Variants in MARCHF8 observed in about 807,000 individuals in gnomAD.
The protein encoded by MARCHF8 is E3 ubiquitin-protein ligase MARCHF8.
Under a neutral mutation model 51.6 loss-of-function variants are expected in MARCHF8, and 40 were observed. The observed-to-expected ratio is 0.77, with a 90% CI of 0.60 to 1.01. The LOEUF (loss-of-function observed/expected upper bound fraction) is 1.01. Ranked by LOEUF, MARCHF8 falls within the 50% of genes least tolerant of loss-of-function variation. The probability of loss-of-function intolerance (pLI) is 0.00; values close to 1 mark genes in which losing one functional copy is unlikely to be tolerated. For synonymous variants in MARCHF8, 263 were observed against 280.3 expected (o/e 0.94, Z 0.62); for missense variants, 685 against 708.6 (o/e 0.97, Z 0.38).
chr10:45,549,531 G>A (rs2044170468), intron 1 of MARCHF8, among the ~76,000 whole-genome samples: 1 of 152,164 alleles, frequency 6.6e-6, no homozygotes, highest in Non-Finnish European at 1.5e-5. Context: ...TGCTTGCACT[G>A]TGTCTGCTGA....
At chr10:45,460,524 A>AC (rs1842753480) in intron 6 of MARCHF8, among the ~76,000 whole-genome samples, 1 of 152,228 alleles carries the variant, frequency 6.6e-6, no homozygotes, top group Non-Finnish European at 1.5e-5. Context: ...CTTGCAATTT[A>AC]TATATTAATG....
intron 2 of MARCHF8, among the ~76,000 whole-genome samples, chr10:45,504,254 T>C (rs1304972015): frequency 1.3e-5 from 2 of 152,224 alleles, no homozygotes; most frequent in African/African-American, 4.8e-5. Flanking sequence ...AAGACCAGCC[T>C]GACCAACATG....
At chr10:45,536,241 A>C (rs2043968389), upstream of MARCHF8, among the ~76,000 whole-genome samples, 1 of 152,176 alleles carries the variant, frequency 6.6e-6, no homozygotes, top group South Asian at 2.1e-4. Flanking sequence ...GCCCAGAAAT[A>C]AACCCACGTA....
At chr10:45,501,041 A>G (rs1372769265) in intron 2 of MARCHF8, among the ~76,000 whole-genome samples, 4 of 152,176 alleles carry the variant, frequency 2.6e-5, no homozygotes, top group African/African-American at 7.2e-5. Flanking sequence ...ATATAAAAAT[A>G]CATACTGTTC....
At chr10:45,524,358 G>T (rs1161060269) in intron 2 of MARCHF8, among the ~76,000 whole-genome samples, 2 of 152,170 alleles carry the variant, frequency 1.3e-5, no homozygotes, top group East Asian at 3.8e-4. Context: ...AGATCGCTGT[G>T]ATTACCAAAT....
At position 45,463,149 on chromosome 10, in the gene MARCHF8, A is replaced by C. The variant is rs1186970038; in HGVS notation, c.1088+2T>G. The C allele has an allele frequency of 6.5e-7, 1 of 1,547,434 alleles. No individual in the cohort carries two copies. The highest frequency in any genetic ancestry group is 2.0e-5 in the Admixed American group (1 of 50,854). ...TAGAATGGCACTTCCTGGCAAACCA[A>C]CCTGCAGACATCCCCTGACGTGGAC... On this transcript the variant is annotated splice_donor_variant, in intron 5 of 7. Coordinates refer to ENST00000453424, the MANE Select transcript of MARCHF8 (RefSeq NM_001282866.2). LOFTEE classifies it high-confidence loss of function.
chr10:45,491,342 C>T (rs1020569501), intron 2 of MARCHF8, among the ~76,000 whole-genome samples: 26 of 152,156 alleles, frequency 1.7e-4, no homozygotes, highest in African/African-American at 6.0e-4. Context: ...GTTTGAGACC[C>T]GCCTGACCAA....
At chr10:45,570,595 T>TTA (rs939866491) in intron 1 of MARCHF8, among the ~76,000 whole-genome samples, 3 of 152,160 alleles carry the variant, frequency 2.0e-5, no homozygotes, top group Non-Finnish European at 4.4e-5. Context: ...CAACATTATA[T>TTA]TATATAGAAG....
intron 3 of MARCHF8, among the ~76,000 whole-genome samples, chr10:45,474,590 T>A (rs2042753235): frequency 6.6e-6 from 1 of 152,304 alleles, no homozygotes; most frequent in African/African-American, 2.4e-5. Flanking sequence ...ATTAAAAAGT[T>A]AACCAATCAA....
intron 1 of MARCHF8, among the ~76,000 whole-genome samples, chr10:45,566,179 A>C (rs1470745035): frequency 6.6e-6 from 1 of 152,214 alleles, no homozygotes; most frequent in African/African-American, 2.4e-5. Flanking sequence ...TATATTTATG[A>C]GGTACATTAG....
chr10:45,541,409 G>A lies in MARCHF8; in HGVS notation c.-78-8120C>T, dbSNP rs942088913. ...CACAGGAAGCGGAACATCACACACC[G>A]GGGCCTGTTGCGGGGTGGGGGGCTA... On this transcript the variant is annotated intron_variant, in intron 1 of 6. Transcript: ENST00000319836. 4.6e-5 allele frequency among the ~76,000 whole-genome samples: 7 copies of A among 152,098 alleles called. No individual in the cohort carries two copies. In the East Asian group the frequency reaches 5.8e-4, roughly 13 times the overall value.
At chr10:45,538,511 C>T (rs1002246383), upstream of MARCHF8, among the ~76,000 whole-genome samples, 25 of 152,266 alleles carry the variant, frequency 1.6e-4, no homozygotes, top group Non-Finnish European at 2.9e-4. Context: ...AATTAAAAGA[C>T]ACAGACTGGC....
chr10:45,556,179 G>C (rs2044249904), intron 1 of MARCHF8, among the ~76,000 whole-genome samples: 1 of 152,056 alleles, frequency 6.6e-6, no homozygotes, highest in African/African-American at 2.4e-5. Context: ...CAGAAAATAA[G>C]GAAAACCTAT....
intron 3 of MARCHF8, among the ~76,000 whole-genome samples, chr10:45,465,103 CAG>C (rs1277705422): frequency 6.6e-6 from 1 of 152,042 alleles, no homozygotes; most frequent in Non-Finnish European, 1.5e-5. Flanking sequence ...GAGAAATGGA[CAG>C]AGAGAAATAG....
intron 2 of MARCHF8, among the ~76,000 whole-genome samples, chr10:45,529,597 T>G (rs2043844848): frequency 1.3e-5 from 2 of 152,152 alleles, no homozygotes; most frequent in South Asian, 4.1e-4. Flanking sequence ...ATTTGTAGAC[T>G]CTACAAAGAA....
intron 2 of MARCHF8, among the ~76,000 whole-genome samples, chr10:45,510,918 G>T (rs949749985): frequency 3.9e-5 from 6 of 152,128 alleles, no homozygotes; most frequent in African/African-American, 1.4e-4. Flanking sequence ...AATATCTATG[G>T]GGAATATGTT....
upstream of MARCHF8, among the ~76,000 whole-genome samples, chr10:45,536,883 A>T (rs557023020): frequency 1.8e-4 from 23 of 129,336 alleles, no homozygotes; most frequent in South Asian, 7.3e-4. Flanking sequence ...ATAATAATAA[A>T]GACAAATAAC....
rs974340179 is a variant in MARCHF8 at position 45,458,299 on chromosome 10, G to T, written c.1662C>A (p.Asp554Glu). ...GCTCTGTGCAACAAGAAGAGTTTGT[G>T]TCGGAATGACAGATTCCATATCCAT... ...NKHGYGICHS[D>E]TNSSCCTEPE... is the part of the protein sequence containing the mutation. The change falls in exon 8 of 8, where the codon GAC becomes GAA. Residue 554 changes from aspartate to glutamate, a missense_variant. By Grantham distance (45) the Asp-to-Glu change is conservative. Transcript: ENST00000453424. 6.2e-7 allele frequency: 1 copy of T among 1,614,102 alleles called. No homozygotes were observed. The highest frequency in any genetic ancestry group is 1.6e-4 in the Middle Eastern group (1 of 6,062).
chr10:45,594,561 C>G (rs553498808), exon 1 of MARCHF8: 1 of 152,384 alleles, frequency 6.6e-6, no homozygotes, highest in African/African-American at 2.4e-5. Context: ...GGGCTCCACG[C>G]CGGGCCCGCA....
Sources: allele counts gnomAD v4.1 joint callset (sites outside exome capture counted in the v4.1 genomes callset), GRCh38; gene constraint gnomAD v4.1.1; transcripts MANE v1.5; gene names NCBI Gene and HGNC (gene_info 2026-07-23, HGNC 2026-07-21).